Variants in PADI4 observed in about 807,000 individuals in gnomAD.
The protein encoded by PADI4 is protein-arginine deiminase type-4.
PADI4 carries 62 observed loss-of-function variants against 75.0 expected under a neutral mutation model. The observed-to-expected ratio is 0.83, with a 90% CI of 0.67 to 1.02. The LOEUF (loss-of-function observed/expected upper bound fraction) is 1.02. PADI4 is among the 50% of genes least tolerant of loss of function. The probability of loss-of-function intolerance (pLI) is 0.00; values close to 1 mark genes in which losing one functional copy is unlikely to be tolerated. For synonymous variants in PADI4, 361 were observed against 348.1 expected (o/e 1.04, Z -0.41); for missense variants, 845 against 850.5 (o/e 0.99, Z 0.08).
Position 17,363,856 on chromosome 1 carries a change from G to C in PADI4, c.*101G>C, listed in dbSNP as rs564113891. On this transcript the variant is annotated 3_prime_UTR_variant, in exon 16 of 16. Coordinates refer to ENST00000375448, the MANE Select transcript of PADI4 (RefSeq NM_012387.3). ...TTGTGAATATTGTGGCTCCCTGGGG[G>C]CGGCCAGCCCTCCCAGCAGTGGCTT... is the stretch of plus-strand genomic sequence containing the variant. The C allele has an allele frequency of 5.2e-6, 4 of 774,746 alleles. No individual in the cohort carries two copies. In the East Asian group the frequency reaches 1.1e-4, roughly 20 times the overall value. The allele number at this position is 774,746 out of a possible 1,614,324, so 48.0% of individuals were successfully genotyped here.
chr1:17,324,152 T>G (rs1005828608), intron 1 of PADI4, among the ~76,000 whole-genome samples: 2 of 143,062 alleles, frequency 1.4e-5, no homozygotes, highest in South Asian at 2.2e-4. Context: ...TTGGGTTTTT[T>G]TTGTTTTTTT....
intron 10 of PADI4, among the ~76,000 whole-genome samples, chr1:17,350,983 T>C (rs71512936): frequency 0.032 from 3,918 of 123,352 alleles, 804 homozygotes; most frequent in Non-Finnish European, 0.038. Flanking sequence ...ACCCAGGAGT[T>C]TGAGACCAGA....
chr1:17,347,873 C>A (rs1225345788), intron 9 of PADI4, 68 bp from the exon 10 acceptor site: 2 of 786,084 alleles, frequency 2.5e-6, no homozygotes, highest in African/African-American at 3.5e-5. Context: ...TTCATGCCCC[C>A]ATCCTGGCGT....
intron 8 of PADI4, among the ~76,000 whole-genome samples, chr1:17,345,047 T>C (rs1263513282): frequency 6.6e-6 from 1 of 152,242 alleles, no homozygotes; most frequent in African/African-American, 2.4e-5. Context: ...GGAGGGAGGC[T>C]ATACCCTGCA....
At chr1:17,355,842 A>G (rs1305045248) in intron 11 of PADI4, 141 bp from the exon 12 acceptor site, 1 of 763,682 alleles carries the variant, frequency 1.3e-6, no homozygotes, top group Non-Finnish European at 2.3e-6. Flanking sequence ...ATGTTAGGGG[A>G]TAAAATAAAG....
chr1:17,348,156 G>T, intron 10 of PADI4, 108 bp downstream of exon 10: 1 of 605,940 alleles, frequency 1.7e-6, no homozygotes, highest in South Asian at 2.1e-5. Flanking sequence ...GAGTAGCCCA[G>T]TGCAAGGAGG....
At position 17,356,689 on chromosome 1, in the gene PADI4, G is replaced by A. The variant is rs2074766220; in HGVS notation, c.1558+230G>A. Reference sequence around the variant, plus strand: ...TCAAAAGAACAGCTCCAACACAGGGGCTTTGAGGGGTGTCTGAGTGGATGG... The same window carrying A: ...TCAAAAGAACAGCTCCAACACAGGGACTTTGAGGGGTGTCTGAGTGGATGG... On this transcript the variant is annotated intron_variant, in intron 13 of 15. Coordinates refer to ENST00000375448, the MANE Select transcript of PADI4 (RefSeq NM_012387.3). This position sits in a 1 kb window ranked among gnomAD's most constrained non-coding sequence, Gnocchi z 4.1. Among the ~76,000 whole-genome samples, 3 of 152,188 alleles carry A rather than the reference G, an allele frequency of 2.0e-5. No individual in the cohort carries two copies. The highest frequency in any genetic ancestry group is 4.4e-5 in the Non-Finnish European group (3 of 68,032).
At chr1:17,341,080 C>T (rs2074409950) in intron 6 of PADI4, among the ~76,000 whole-genome samples, 2 of 150,402 alleles carry the variant, frequency 1.3e-5, no homozygotes, top group Non-Finnish European at 1.5e-5. Context: ...GGATTACAGA[C>T]ACCATGCCCA....
intron 15 of PADI4, among the ~76,000 whole-genome samples, chr1:17,362,547 A>G (rs2074861444): frequency 6.6e-6 from 1 of 152,050 alleles, no homozygotes; most frequent in Non-Finnish European, 1.5e-5. Flanking sequence ...AATGGAGAGA[A>G]TGAGAGCGAG....
chr1:17,329,603 G>A (rs1957878), intron 1 of PADI4, among the ~76,000 whole-genome samples: 84,774 of 151,900 alleles, frequency 0.56, 23,836 homozygotes, highest in East Asian at 0.59. Context: ...GAGGAGGAAG[G>A]GGGGTTGGTC....
At chr1:17,351,018 C>A in intron 10 of PADI4, among the ~76,000 whole-genome samples, 1 of 94,740 alleles carries the variant, frequency 1.1e-5, no homozygotes, top group Non-Finnish European at 2.5e-5. Context: ...GAGACCTTGT[C>A]CCTACAAAAA....
intron 1 of PADI4, among the ~76,000 whole-genome samples, chr1:17,313,498 C>CAAAAAAAAAAA (rs71014933): frequency 2.9e-5 from 2 of 68,398 alleles, no homozygotes; most frequent in Non-Finnish European, 2.5e-5. Context: ...AAGACCTTGT[C>CAAAAAAAAAAA]AAAAAAAAAA....
At position 17,356,029 on chromosome 1, in the gene PADI4, G is replaced by C; in HGVS notation, c.1357G>C (p.Ala453Pro). ...MHQALQDFLS[A>P]QQVQAPVKLY... ...CCAGGCCCTGCAGGACTTCCTCAGT[G>C]CCCAGCAGGTGCAGGCCCCTGTGAA... The change falls in exon 12 of 16, where the codon GCC becomes CCC. Residue 453 changes from alanine (A) to proline (P), a missense_variant. Physicochemically the swap from Ala to Pro is conservative, Grantham distance 27. Coordinates refer to ENST00000375448, the MANE Select transcript of PADI4 (RefSeq NM_012387.3). The surrounding 1 kb of genome is among the most constrained non-coding windows in gnomAD (Gnocchi z 4.1). The C allele has an allele frequency of 6.2e-7, 1 of 1,614,106 alleles. No individual in the cohort carries two copies.
intron 7 of PADI4, 56 bp from the exon 8 acceptor site, chr1:17,342,242 GT>G: frequency 1.4e-6 from 2 of 1,420,734 alleles, no homozygotes; most frequent in Non-Finnish European, 2.0e-6. Flanking sequence ...GAAGTGGTAG[GT>G]GCTGGGCCCT....
chr1:17,355,161 C>G (rs571705870), intron 11 of PADI4, among the ~76,000 whole-genome samples: 1 of 152,276 alleles, frequency 6.6e-6, no homozygotes. Flanking sequence ...ACCTGGAGAT[C>G]TGGGACAGAG....
chr1:17,311,001 G>T (rs1161526761), intron 1 of PADI4, among the ~76,000 whole-genome samples: 2 of 151,938 alleles, frequency 1.3e-5, no homozygotes, highest in African/African-American at 4.8e-5. Flanking sequence ...GGAGGCTGAG[G>T]CAGGAGAATC....
intron 6 of PADI4, among the ~76,000 whole-genome samples, chr1:17,340,052 GCA>G (rs937935130): frequency 8.1e-5 from 8 of 98,368 alleles, no homozygotes; most frequent in South Asian, 3.2e-4. Context: ...ACACGCGCGC[GCA>G]CACACACACA....
intron 6 of PADI4, 62 bp downstream of exon 6, chr1:17,339,875 C>CAGCT: frequency 6.6e-7 from 1 of 1,519,326 alleles, no homozygotes; most frequent in Non-Finnish European, 8.9e-7. Context: ...TCCTGTCACA[C>CAGCT]AGCTGTGTGG....
At chr1:17,311,096 C>CA (rs34285885) in intron 1 of PADI4, among the ~76,000 whole-genome samples, 2,401 of 103,562 alleles carry the variant, frequency 0.023, 54 homozygotes, top group African/African-American at 0.069. Context: ...GTCTCCGTCT[C>CA]AAAAAAAAAA....
Sources: gnomAD v4.1 joint callset for allele counts (sites outside exome capture counted in the v4.1 genomes callset) on GRCh38, gnomAD v4.1.1 for gene constraint, Gnocchi (gnomAD v3.1) non-coding constraint, MANE v1.5 for transcripts, NCBI Gene and HGNC (gene_info 2026-07-23, HGNC 2026-07-21) for gene names.